Variants in ZHX3 observed in about 807,000 individuals in gnomAD.
ZHX3 encodes zinc fingers and homeoboxes 3.
In ZHX3, 20 loss-of-function variants were observed where a neutral mutation model predicts 64.5. The observed-to-expected ratio is 0.31, with a 90% CI of 0.22 to 0.45. The LOEUF (loss-of-function observed/expected upper bound fraction) is 0.45. ZHX3 is among the 20% of genes least tolerant of loss of function. The pLI, the probability that ZHX3 is intolerant of heterozygous loss-of-function variation, is 1.00. For missense variants in ZHX3, 1,041 were observed against 1,195.8 expected (o/e 0.87, Z 1.91); for synonymous variants, 423 against 461.6 (o/e 0.92, Z 1.07).
chr20:41,306,177 TG>T, intron 1 of ZHX3, among the ~76,000 whole-genome samples: 1 of 152,300 alleles, frequency 6.6e-6, no homozygotes, highest in East Asian at 1.9e-4. Flanking sequence ...GTTCAAGCAT[TG>T]TATTTGGGGA....
At chr20:41,236,188 C>T (rs1204149650) in intron 2 of ZHX3, among the ~76,000 whole-genome samples, 1 of 152,152 alleles carries the variant, frequency 6.6e-6, no homozygotes, top group African/African-American at 2.4e-5. Context: ...TGATAATGGC[C>T]ATACTGTCCA....
At chr20:41,268,054 CCCA>C (rs1460416072) in intron 2 of ZHX3, among the ~76,000 whole-genome samples, 29 of 152,160 alleles carry the variant, frequency 1.9e-4, no homozygotes, top group Admixed American at 1.5e-3. Flanking sequence ...AGGGAAGGTG[CCCA>C]CCACAAGACA....
At chr20:41,250,910 G>A (rs2041960891) in intron 2 of ZHX3, among the ~76,000 whole-genome samples, 1 of 152,176 alleles carries the variant, frequency 6.6e-6, no homozygotes, top group Non-Finnish European at 1.5e-5. Flanking sequence ...ACTTTGGGAG[G>A]CCAAGGCAGG....
At chr20:41,271,442 T>C (rs192477848) in intron 1 of ZHX3, among the ~76,000 whole-genome samples, 29 of 152,338 alleles carry the variant, frequency 1.9e-4, no homozygotes, top group African/African-American at 6.5e-4. Flanking sequence ...AGTTGATTGG[T>C]TGATTCAGAT....
At chr20:41,315,814 T>TA (rs1004489667) in intron 1 of ZHX3, among the ~76,000 whole-genome samples, 39 of 152,292 alleles carry the variant, frequency 2.6e-4, no homozygotes, top group Middle Eastern at 3.4e-3. Flanking sequence ...CTAAAAGGCT[T>TA]AATACCAAAT....
chr20:41,227,285 C>A (rs1374013446), intron 2 of ZHX3, among the ~76,000 whole-genome samples: 1 of 152,148 alleles, frequency 6.6e-6, no homozygotes, highest in East Asian at 1.9e-4. Flanking sequence ...AACCTTAGAG[C>A]ATCAAGGTGA....
At chr20:41,211,432 C>T (rs1255747312) in intron 2 of ZHX3, among the ~76,000 whole-genome samples, 1 of 152,118 alleles carries the variant, frequency 6.6e-6, no homozygotes, top group African/African-American at 2.4e-5. Context: ...CCCACTCTAA[C>T]AACTTCTCAC....
chr20:41,209,454 G>T (rs1032019325), intron 2 of ZHX3, among the ~76,000 whole-genome samples: 1 of 152,116 alleles, frequency 6.6e-6, no homozygotes, highest in East Asian at 1.9e-4. Flanking sequence ...ATACTACAAG[G>T]CTACAGTAAC....
chr20:41,242,243 A>C (rs1216420527), intron 2 of ZHX3, among the ~76,000 whole-genome samples: 1 of 152,232 alleles, frequency 6.6e-6, no homozygotes, highest in Non-Finnish European at 1.5e-5. Context: ...CTAAATATCA[A>C]CTTGATTTTC....
intron 1 of ZHX3, among the ~76,000 whole-genome samples, chr20:41,277,020 A>C (rs1248367423): frequency 6.6e-6 from 1 of 152,270 alleles, no homozygotes; most frequent in Non-Finnish European, 1.5e-5. Flanking sequence ...GAGTTCTAGA[A>C]AAGACAAAAT....
intron 3 of ZHX3, among the ~76,000 whole-genome samples, chr20:41,199,031 C>G (rs1026781359): frequency 6.6e-6 from 1 of 151,828 alleles, no homozygotes; most frequent in African/African-American, 2.4e-5. Context: ...GTGGGTTTTC[C>G]ATTTCAGGGA....
Position 41,202,546 on chromosome 20 carries a change from T to C in ZHX3, c.2371A>G (p.Asn791Asp). Residue 791 changes from asparagine to aspartate, a missense_variant, in exon 3 of 4, where the codon AAC (asparagine) becomes GAC (aspartate). Transcript: ENST00000683867. This position sits in a 1 kb window ranked among gnomAD's most constrained non-coding sequence, Gnocchi z 7.0. Reference sequence around the variant, plus strand: ...GCCATGATGGAGTCATAGTCCTGGTTGCTTGGCCACTGTGTCTGGACAAAG... The same window carrying C: ...GCCATGATGGAGTCATAGTCCTGGTCGCTTGGCCACTGTGTCTGGACAAAG... ...QLFVQTQWPSNQDYDSIMAQT... is the reference protein window; with the variant it reads ...QLFVQTQWPSDQDYDSIMAQT... 6.2e-7 allele frequency: 1 copy of C among 1,614,166 alleles called. No homozygotes were observed. The highest frequency in any genetic ancestry group is 1.1e-5 in the South Asian group (1 of 91,084).
chr20:41,261,124 A>G (rs2042540006), intron 2 of ZHX3, among the ~76,000 whole-genome samples: 1 of 152,280 alleles, frequency 6.6e-6, no homozygotes, highest in African/African-American at 2.4e-5. Context: ...ATTAGCAAAG[A>G]GGATCCCTGG....
chr20:41,223,825 G>A (rs2040100900), intron 2 of ZHX3, among the ~76,000 whole-genome samples: 1 of 152,230 alleles, frequency 6.6e-6, no homozygotes, highest in Non-Finnish European at 1.5e-5. Flanking sequence ...GAGAAAGTGA[G>A]AAGCTAATGG....
Position 41,277,599 on chromosome 20 carries a change from T to C in ZHX3, c.-244-8516A>G, listed in dbSNP as rs7344357. On this transcript the variant is annotated intron_variant, in intron 1 of 3. Coordinates refer to ENST00000683867, the MANE Select transcript of ZHX3 (RefSeq NM_001384317.1). The stretch of plus-strand genomic sequence containing the variant: ...CTACCCTCCATGTTAATTTTTTTTT[T>C]CTTTTTTTTTGAGACAGAGTCTCGC... Among the ~76,000 whole-genome samples the C allele has an allele frequency of 1.3e-4, 19 of 149,964 alleles. 1 individual carries two copies. The highest frequency in any genetic ancestry group is 9.8e-4 in the East Asian group (5 of 5,128).
At position 41,178,771 on chromosome 20, in the gene ZHX3, G is replaced by A. The variant is rs1395019726; in HGVS notation, c.*6420C>T. 1 of 152,604 alleles carries A rather than the reference G, an allele frequency of 6.6e-6. No individual in the cohort carries two copies. The highest frequency in any genetic ancestry group is 1.9e-4 in the East Asian group (1 of 5,202). The allele number at this position is 152,604 out of a possible 1,614,324, so 9.5% of individuals were successfully genotyped here. ...AATTCCCATTCTACCCAAGGCTTAA[G>A]TGATAGAGTATGCTGTTTTCTCGGT... On this transcript the variant is annotated 3_prime_UTR_variant, in exon 4 of 4. Coordinates refer to ENST00000683867, the MANE Select transcript of ZHX3 (RefSeq NM_001384317.1).
At chr20:41,290,704 A>G (rs1000000650) in intron 1 of ZHX3, 1 of 152,240 alleles carries the variant, frequency 6.6e-6, no homozygotes, top group Non-Finnish European at 1.5e-5. Context: ...ACTAGTATGC[A>G]GTAGGAAGGC....
At chr20:41,238,229 C>T (rs1246257695) in intron 2 of ZHX3, among the ~76,000 whole-genome samples, 1 of 152,110 alleles carries the variant, frequency 6.6e-6, no homozygotes, top group East Asian at 1.9e-4. Flanking sequence ...GCATTTATGT[C>T]GAACTCATAG....
At chr20:41,288,225 G>T (rs756884359) in intron 1 of ZHX3, among the ~76,000 whole-genome samples, 1 of 152,094 alleles carries the variant, frequency 6.6e-6, no homozygotes, top group Non-Finnish European at 1.5e-5. Flanking sequence ...TTGCCATGTT[G>T]CCCAGGCTGG....
Sources: gnomAD v4.1 joint callset for allele counts (sites outside exome capture counted in the v4.1 genomes callset) on GRCh38, gnomAD v4.1.1 for gene constraint, Gnocchi (gnomAD v3.1) non-coding constraint, MANE v1.5 for transcripts, NCBI Gene and HGNC (gene_info 2026-07-23, HGNC 2026-07-21) for gene names.